PCDHGA1: variants seen among roughly 807,000 people sequenced by gnomAD.
PCDHGA1 encodes the protein protocadherin gamma-A1.
Under a neutral mutation model 58.0 loss-of-function variants are expected in PCDHGA1, and 32 were observed. The observed-to-expected ratio is 0.55, with a 90% CI of 0.42 to 0.74. The LOEUF is 0.74. PCDHGA1 is among the 30% of genes least tolerant of loss of function. The pLI is 0.00. For synonymous variants in PCDHGA1, 498 were observed against 501.1 expected, an observed-to-expected ratio of 0.99 and a Z score of 0.08; for missense variants, 1,205 against 1,182.3, an observed-to-expected ratio of 1.02 and a Z score of -0.28.
rs1441436853 is a variant in PCDHGA1, at chr5:141,334,707, A to C, written c.2421+1602A>C. ...AGAGAGAGACAGACACGGATGCTGG[A>C]TAGAGACAGCGAACACCAAGTATCT... On this transcript the variant is annotated intron_variant, in intron 1 of 3. Coordinates refer to ENST00000517417, the MANE Select transcript of PCDHGA1 (RefSeq NM_018912.3). The surrounding 1 kb of genome is among the most constrained non-coding windows in gnomAD (Gnocchi z 4.6). The C allele has an allele frequency of 1.3e-5, 2 of 152,262 alleles. No homozygotes were observed. Among genetic ancestry groups the C allele is most frequent in the Non-Finnish European group, 2.9e-5 (2 of 68,044 alleles). 9.4% of individuals were successfully genotyped at this position (152,262 alleles called of 1,614,324 possible). A position where few individuals can be genotyped will look rare whatever the true frequency, so the allele number is the denominator to read the frequency against.
intron 1 of PCDHGA1, chr5:141,402,790 A>T: frequency 2.1e-6 from 2 of 961,358 alleles, no homozygotes; most frequent in Non-Finnish European, 2.9e-6. Context: ...TTCTGCGGCT[A>T]CACAAAACCC....
At chr5:141,360,639 A>G (rs1226434354) in intron 1 of PCDHGA1, 5 of 1,613,898 alleles carry the variant, frequency 3.1e-6, no homozygotes, top group African/African-American at 2.7e-5. Context: ...ACTCACTACA[A>G]AGATACCACC....
chr5:141,479,606 T>TA (rs1315315740), intron 1 of PCDHGA1: 1 of 152,184 alleles, frequency 6.6e-6, no homozygotes, highest in Non-Finnish European at 1.5e-5. Context: ...GCCTAGGCAA[T>TA]ATAGGGAAAC....
chr5:141,478,315 A>G, intron 1 of PCDHGA1: 1 of 1,613,998 alleles, frequency 6.2e-7, no homozygotes, highest in Non-Finnish European at 8.5e-7. Flanking sequence ...CGGTGAGCTC[A>G]CTGTACCGAA....
In PCDHGA1 at chr5:141,477,362, G is replaced by T. The variant is rs920445601; in HGVS notation, c.2422-17445G>T. 6.2e-7 allele frequency: 1 copy of T among 1,614,142 alleles called. No individual in the cohort carries two copies. The highest frequency in any genetic ancestry group is 1.3e-5 in the African/African-American group (1 of 75,022). On this transcript the variant is annotated intron_variant, in intron 1 of 3. Coordinates refer to ENST00000517417, the MANE Select transcript of PCDHGA1 (RefSeq NM_018912.3). The surrounding 1 kb of genome is among the most constrained non-coding windows in gnomAD (Gnocchi z 4.9). ...CACTTTGAAAACCAGTGCAGACCTG[G>T]ATCGGGAGACTGTGCCAGAATACAA...
rs375915850 is a variant in PCDHGA1, at chr5:141,397,975, G to A, written c.2421+64870G>A. The A allele has an allele frequency of 2.3e-4, 272 of 1,189,006 alleles. 1 individual carries two copies. Among genetic ancestry groups the A allele is most frequent in the African/African-American group, 9.9e-4 (64 of 64,918 alleles). 73.7% of individuals were successfully genotyped at this position (1,189,006 alleles called of 1,614,324 possible). ...GCCCCAGCTCAGACTCCCCAGCGCC[G>A]GCCTTTACACCGCTTCCTCCTCGGA... On this transcript the variant is annotated intron_variant, in intron 1 of 3. Transcript: ENST00000517417.
At chr5:141,393,707 T>TG in intron 1 of PCDHGA1, 2 of 1,613,882 alleles carry the variant, frequency 1.2e-6, no homozygotes, top group South Asian at 2.2e-5. Context: ...ATGAAAATAC[T>TG]GGGGAAATAT....
intron 1 of PCDHGA1, chr5:141,367,567 A>C (rs1357501052): frequency 1.3e-5 from 2 of 150,962 alleles, no homozygotes; most frequent in Non-Finnish European, 3.0e-5. Flanking sequence ...TAAATAAATA[A>C]ATAAATATCA....
intron 1 of PCDHGA1, chr5:141,345,497 T>C: frequency 6.2e-7 from 1 of 1,614,096 alleles, no homozygotes; most frequent in African/African-American, 1.3e-5. Context: ...CCCGCATCAC[T>C]TATGCATTGA....
chr5:141,418,363 C>G (rs147423305), intron 1 of PCDHGA1: 1 of 1,613,866 alleles, frequency 6.2e-7, no homozygotes, highest in Non-Finnish European at 8.5e-7. Context: ...ATTCGCTGAG[C>G]AAATACCAAC....
rs1000330093 is a variant in PCDHGA1 at position 141,511,812 on chromosome 5, C to T, written c.*639C>T. 2.5e-5 allele frequency: 4 copies of T among 157,260 alleles called. No individual in the cohort carries two copies. Among genetic ancestry groups the T allele is most frequent in the African/African-American group, 9.6e-5 (4 of 41,492 alleles). The allele number at this position is 157,260 out of a possible 1,614,324, so 9.7% of individuals were successfully genotyped here. The stretch of plus-strand genomic sequence containing the variant: ...TAGGGAGGGCATTTTGCTACCAAGC[C>T]TCTTCCCAACGCCCTGGGGACCAGT... On this transcript the variant is annotated 3_prime_UTR_variant, in exon 4 of 4. Transcript: ENST00000517417.
intron 1 of PCDHGA1, chr5:141,350,564 G>C (rs1265156661): frequency 5.6e-6 from 9 of 1,613,938 alleles, no homozygotes; most frequent in Non-Finnish European, 7.6e-6. Context: ...GTGTGCACTA[G>C]AATTCGAAAC....
chr5:141,372,493 C>G lies in PCDHGA1; in HGVS notation c.2421+39388C>G, dbSNP rs998007585. On this transcript the variant is annotated intron_variant, in intron 1 of 3. Transcript: ENST00000517417. ...CTAGTAGTGGCGTTGGCCTTGATCT[C>G]AGTGCTCTTCCTCCTCGCGGTGATT... is the stretch of plus-strand genomic sequence containing the variant. 5 of 1,614,058 alleles carry G rather than the reference C, an allele frequency of 3.1e-6. No individual in the cohort carries two copies. In the African/African-American group the frequency reaches 4.0e-5, roughly 13 times the overall value.
At chr5:141,374,467 C>T (rs1430397717) in intron 1 of PCDHGA1, 2 of 1,612,694 alleles carry the variant, frequency 1.2e-6, no homozygotes, top group Non-Finnish European at 1.7e-6. Flanking sequence ...ACATTAATGA[C>T]AATACACCCC....
intron 1 of PCDHGA1, chr5:141,339,219 G>A (rs1278686878): frequency 1.2e-6 from 2 of 1,614,054 alleles, no homozygotes; most frequent in African/African-American, 2.7e-5. Context: ...CGAAGCGGCA[G>A]CTTGGTCACT....
In PCDHGA1 at chr5:141,493,364, TTGGAAC is replaced by T. The variant is rs1405602213; in HGVS notation, c.2422-1441_2422-1436del. Among the ~76,000 whole-genome samples, 1 of 152,184 alleles carries T rather than the reference TTGGAAC, an allele frequency of 6.6e-6. No homozygotes were observed. Among genetic ancestry groups the T allele is most frequent in the South Asian group, 2.1e-4 (1 of 4,824 alleles). On this transcript the variant is annotated intron_variant, in intron 1 of 3. Coordinates refer to ENST00000517417, the MANE Select transcript of PCDHGA1 (RefSeq NM_018912.3). The surrounding 1 kb of genome is among the most constrained non-coding windows in gnomAD (Gnocchi z 4.3). Reference sequence around the variant, plus strand: ...ATGTGTGCTTTTAATTTCTTGGCACTTGGAACTTTAAAAGCTTGAGGACAGGAGAGG... The same window carrying T: ...ATGTGTGCTTTTAATTTCTTGGCACTTTTAAAAGCTTGAGGACAGGAGAGG...
In PCDHGA1 at chr5:141,486,702, T is replaced by C; in HGVS notation, c.2422-8105T>C. On this transcript the variant is annotated intron_variant, in intron 1 of 3. Coordinates refer to ENST00000517417, the MANE Select transcript of PCDHGA1 (RefSeq NM_018912.3). The surrounding 1 kb of genome is among the most constrained non-coding windows in gnomAD (Gnocchi z 5.0). ...GTATCAGCTTCCTCTTTCATCTCTC[T>C]GAACCCCCAGACAGGAGCTGTTCAT... is the stretch of plus-strand genomic sequence containing the variant. 3 of 1,614,218 alleles carry C rather than the reference T, an allele frequency of 1.9e-6. No homozygotes were observed. Among genetic ancestry groups the C allele is most frequent in the Non-Finnish European group, 2.5e-6 (3 of 1,180,040 alleles).
chr5:141,352,131 C>G (rs780634408), intron 1 of PCDHGA1: 37 of 1,610,516 alleles, frequency 2.3e-5, no homozygotes, highest in Non-Finnish European at 2.7e-5. Context: ...GAGGTGCGCA[C>G]AGCGCGTGCC....
rs775918752 is a variant in PCDHGA1 at position 141,375,143 on chromosome 5, A to G, written c.2421+42038A>G. On this transcript the variant is annotated intron_variant, in intron 1 of 3. Transcript: ENST00000517417. Reference sequence around the variant, plus strand: ...AGAAGTGGTTGTTACATCTGGAAGCAGAACAATTGCTGAAAGTGCACCTCC... The same window carrying G: ...AGAAGTGGTTGTTACATCTGGAAGCGGAACAATTGCTGAAAGTGCACCTCC... 20 of 1,613,992 alleles carry G rather than the reference A, an allele frequency of 1.2e-5. No homozygotes were observed. The Admixed American group carries it at 2.8e-4, about 23-fold the overall frequency.
Sources: allele counts gnomAD v4.1 joint callset (sites outside exome capture counted in the v4.1 genomes callset), GRCh38; gene constraint gnomAD v4.1.1; non-coding constraint Gnocchi (gnomAD v3.1); transcripts MANE v1.5; gene names NCBI Gene and HGNC (gene_info 2026-07-23, HGNC 2026-07-21).